The following TEX48 variants were observed in gnomAD, a reference collection of about 807,000 sequenced individuals.
The protein encoded by TEX48 is testis-expressed protein 48.
Under a neutral mutation model 13.2 loss-of-function variants are expected in TEX48, and 10 were observed. The observed-to-expected ratio is 0.75, with a 90% CI of 0.47 to 1.28. The LOEUF is 1.28. TEX48 is among the 50% of genes most tolerant of loss of function. The pLI is 0.00. For synonymous variants in TEX48, 45 were observed against 52.3 expected (o/e 0.86, Z 0.60); for missense variants, 116 against 139.4 (o/e 0.83, Z 0.84).
At chr9:114,668,086 T>C in intron 4 of TEX48, 120 bp downstream of exon 4, 1 of 1,280,284 alleles carries the variant, frequency 7.8e-7, no homozygotes, top group African/African-American at 1.5e-5. Flanking sequence ...GGCTGCTTGA[T>C]GGGAGCAATT....
chr9:114,668,395 T>C, intron 3 of TEX48, 58 bp from the exon 4 acceptor site: 1 of 1,487,898 alleles, frequency 6.7e-7, no homozygotes, highest in Admixed American at 2.0e-5. Context: ...ATCACGGAAG[T>C]GAAGATGTTT....
intron 3 of TEX48, among the ~76,000 whole-genome samples, chr9:114,669,481 G>A (rs1473049853): frequency 1.3e-5 from 2 of 151,300 alleles, no homozygotes; most frequent in East Asian, 3.9e-4. Flanking sequence ...CGCTCTTGTT[G>A]CCCAGGCTGG....
chr9:114,671,817 T>A lies in TEX48; in HGVS notation c.-94A>T, dbSNP rs1451067377. 1 of 1,405,222 alleles carries A rather than the reference T, an allele frequency of 7.1e-7. No individual in the cohort carries two copies. The highest frequency in any genetic ancestry group is 1.4e-5 in the African/African-American group (1 of 70,200). 87.0% of individuals were successfully genotyped at this position (1,405,222 alleles called of 1,614,324 possible). A position where few individuals can be genotyped will look rare whatever the true frequency, so the allele number is the denominator to read the frequency against. On this transcript the variant is annotated 5_prime_UTR_variant, in exon 2 of 5. Coordinates refer to ENST00000436752, the MANE Select transcript of TEX48 (RefSeq NM_001199233.2). ...TGAGTTTGAGCCCAGTTCACTGGGC[T>A]GGGCTGTTTCCTAAGTAAACATAAG...
At chr9:114,668,420 CA>C in intron 3 of TEX48, 83 bp from the exon 4 acceptor site, 1 of 1,280,312 alleles carries the variant, frequency 7.8e-7, no homozygotes, top group Non-Finnish European at 1.1e-6. Context: ...AGCTCTGAAG[CA>C]GCGCACACAG....
At chr9:114,676,404 C>G (rs1320677484) in intron 1 of TEX48, among the ~76,000 whole-genome samples, 1 of 151,968 alleles carries the variant, frequency 6.6e-6, no homozygotes, top group Non-Finnish European at 1.5e-5. Context: ...TTCCTTAGCT[C>G]AAGAGATCTC....
At position 114,668,390 on chromosome 9, in the gene TEX48, G is replaced by A. The variant is rs75605255; in HGVS notation, c.128-53C>T. 2.3e-3 allele frequency: 3,441 copies of A among 1,497,088 alleles called. 77 individuals carry two copies. In the African/African-American group the frequency reaches 0.042, roughly 18 times the overall value. 92.7% of individuals were successfully genotyped at this position (1,497,088 alleles called of 1,614,324 possible). A position where few individuals can be genotyped will look rare whatever the true frequency, so the allele number is the denominator to read the frequency against. ...GTGGGGGAGGCTTAGGTGAGATCAC[G>A]GAAGTGAAGATGTTTTGCAAGCTCT... On this transcript the variant is annotated intron_variant, in intron 3 of 4. Coordinates refer to ENST00000436752, the MANE Select transcript of TEX48 (RefSeq NM_001199233.2).
chr9:114,674,614 C>T (rs376064687), intron 1 of TEX48, among the ~76,000 whole-genome samples: 9 of 48,202 alleles, frequency 1.9e-4, no homozygotes, highest in African/African-American at 2.1e-4. Context: ...TCCTTCCTTC[C>T]TTCCTTCCTT....
At chr9:114,680,708 A>T (rs780994529) in intron 1 of TEX48, among the ~76,000 whole-genome samples, 17 of 152,204 alleles carry the variant, frequency 1.1e-4, no homozygotes, top group Non-Finnish European at 2.1e-4. Flanking sequence ...AATGAGAATT[A>T]AAAAGAGAAG....
At chr9:114,671,594 G>T (rs117812701) in intron 2 of TEX48, 89 bp from the exon 3 acceptor site, 41,176 of 1,523,452 alleles carry the variant, frequency 0.027, 645 homozygotes, top group Non-Finnish European at 0.031. Context: ...GGGTATCATT[G>T]GGTCAGCCTC....
chr9:114,668,216 A>G lies in TEX48; in HGVS notation c.249T>C (p.Ser83=). The G allele has an allele frequency of 6.5e-7, 1 of 1,535,622 alleles. No individual in the cohort carries two copies. The highest frequency in any genetic ancestry group is 8.7e-7 in the Non-Finnish European group (1 of 1,146,876). Residue 83 remains serine, a synonymous_variant, in exon 4 of 5, where the codon AGT becomes AGC. Transcript: ENST00000436752. ...CAATTTGGGACTCACCCTCAAACTC[A>G]CTGCTGCTGGAGGAAGTGCTCTTTT... is the stretch of plus-strand genomic sequence containing the variant. The part of the protein sequence containing the change: ...QTKKSTSSSS[S]EFEDLNAYAS...
chr9:114,680,713 G>A (rs189043549), intron 1 of TEX48, among the ~76,000 whole-genome samples: 162 of 152,320 alleles, frequency 1.1e-3, no homozygotes, highest in Admixed American at 3.7e-3. Context: ...GAATTAAAAA[G>A]AGAAGCTCCC....
chr9:114,671,900 T>C, intron 1 of TEX48, 73 bp from the exon 2 acceptor site: 1 of 674,340 alleles, frequency 1.5e-6, no homozygotes, highest in Non-Finnish European at 2.5e-6. Flanking sequence ...TAGGATCTAA[T>C]GACAGCAAAA....
At chr9:114,668,871 C>T (rs1309280238) in intron 3 of TEX48, among the ~76,000 whole-genome samples, 1 of 152,136 alleles carries the variant, frequency 6.6e-6, no homozygotes, top group Non-Finnish European at 1.5e-5. Context: ...GGGATCTGCT[C>T]TGTTGCCCAG....
chr9:114,668,688 T>C (rs1007123934), intron 3 of TEX48, among the ~76,000 whole-genome samples: 1 of 152,216 alleles, frequency 6.6e-6, no homozygotes, highest in African/African-American at 2.4e-5. Flanking sequence ...ATACGCTTTA[T>C]AGAAAAGTTA....
chr9:114,671,750 C>T lies in TEX48; in HGVS notation c.-27G>A, dbSNP rs545077729. On this transcript the variant is annotated 5_prime_UTR_variant, in exon 2 of 5. Transcript: ENST00000436752. ...GAAAGGAGTTGAAACTTCTACTCTGCCAGCTTTGTCTGCAGGGGTGCCTTG... is the reference window on the plus strand; with the variant it reads ...GAAAGGAGTTGAAACTTCTACTCTGTCAGCTTTGTCTGCAGGGGTGCCTTG... 3.4e-5 allele frequency: 52 copies of T among 1,535,584 alleles called. No individual in the cohort carries two copies. The highest frequency in any genetic ancestry group is 3.3e-4 in the Middle Eastern group (2 of 5,990).
At chr9:114,671,313 C>T in intron 3 of TEX48, 70 bp downstream of exon 3, 1 of 1,505,954 alleles carries the variant, frequency 6.6e-7, no homozygotes, top group Non-Finnish European at 8.9e-7. Flanking sequence ...TTGGGGGTAT[C>T]CCAGCAGGCA....
At position 114,666,670 on chromosome 9, in the gene TEX48, G is replaced by C; in HGVS notation, c.336C>G (p.Phe112Leu). 1 of 1,534,570 alleles carries C rather than the reference G, an allele frequency of 6.5e-7. No individual in the cohort carries two copies. The highest frequency in any genetic ancestry group is 8.7e-7 in the Non-Finnish European group (1 of 1,146,176). Residue 112 changes from phenylalanine (F) to leucine (L), a missense_variant, in exon 5 of 5, where the codon TTC (phenylalanine) becomes TTG (leucine). Physicochemically the swap from Phe to Leu is conservative, Grantham distance 22 (BLOSUM62 0). Coordinates refer to ENST00000436752, the MANE Select transcript of TEX48 (RefSeq NM_001199233.2). Reference protein sequence around the residue: ...LNRYCQEHWPFQPCLTGRP With the variant: ...LNRYCQEHWPLQPCLTGRP ...AGGGCCTCCCAGTGAGGCATGGCTG[G>C]AATGGCCAGTGCTCCTGGCAGTAGC...
chr9:114,676,052 T>C (rs1035226445), intron 1 of TEX48, among the ~76,000 whole-genome samples: 1 of 152,270 alleles, frequency 6.6e-6, no homozygotes, highest in African/African-American at 2.4e-5. Flanking sequence ...GTACAGTGAC[T>C]GCCTAACTCA....
At chr9:114,671,985 G>A (rs955471610) in intron 1 of TEX48, among the ~76,000 whole-genome samples, 158 bp from the exon 2 acceptor site, 1 of 152,212 alleles carries the variant, frequency 6.6e-6, no homozygotes, top group East Asian at 1.9e-4. Context: ...ATGAACAGGT[G>A]CATGTTCTTA....
Sources: gnomAD v4.1 joint callset for allele counts (sites outside exome capture counted in the v4.1 genomes callset) on GRCh38, gnomAD v4.1.1 for gene constraint, MANE v1.5 for transcripts, NCBI Gene and HGNC (gene_info 2026-07-23, HGNC 2026-07-21) for gene names.